The following CMC1 variants were observed in gnomAD, a reference collection of about 807,000 sequenced individuals.
CMC1 encodes the protein C-X9-C motif containing 1, also known as COX assembly mitochondrial protein homolog.
In CMC1, 14 loss-of-function variants were observed where a neutral mutation model predicts 14.1. The observed-to-expected ratio is 0.99, with a 90% CI of 0.66 to 1.55. CMC1 has a LOEUF of 1.55. Among genes scored for constraint, CMC1 ranks in the 40% most tolerant of loss-of-function variants. CMC1 has a pLI of 0.00. For missense variants in CMC1, 127 were observed against 123.8 expected (o/e 1.03, Z -0.12); for synonymous variants, 50 against 38.4 (o/e 1.30, Z -1.12).
intron 2 of CMC1, among the ~76,000 whole-genome samples, chr3:28,278,597 C>G (rs1181352128): frequency 6.6e-6 from 1 of 152,194 alleles, no homozygotes; most frequent in Non-Finnish European, 1.5e-5. Flanking sequence ...CACTCTCCCT[C>G]CAGAAGAAAC....
chr3:28,317,534 T>C (rs2125616490), intron 3 of CMC1: 1 of 152,248 alleles, frequency 6.6e-6, no homozygotes, highest in South Asian at 2.1e-4. Context: ...TATTAAATTC[T>C]GTCTTATACA....
chr3:28,260,740 C>T (rs1699694524), intron 1 of CMC1, among the ~76,000 whole-genome samples: 1 of 152,004 alleles, frequency 6.6e-6, no homozygotes, highest in Non-Finnish European at 1.5e-5. Flanking sequence ...TACAAATTTC[C>T]TGCCAAGTAC....
chr3:28,294,002 A>T (rs965873080), intron 2 of CMC1, among the ~76,000 whole-genome samples: 3 of 152,234 alleles, frequency 2.0e-5, no homozygotes, highest in Non-Finnish European at 2.9e-5. Flanking sequence ...TGGATTTCAA[A>T]TAAAAGAAGA....
At chr3:28,270,151 G>A (rs1392700126) in intron 2 of CMC1, among the ~76,000 whole-genome samples, 1 of 152,038 alleles carries the variant, frequency 6.6e-6, no homozygotes, top group Non-Finnish European at 1.5e-5. Context: ...TCTTTATCTG[G>A]TCTATCATGG....
intron 1 of CMC1, among the ~76,000 whole-genome samples, chr3:28,245,262 A>G (rs922805388): frequency 4.6e-5 from 7 of 152,150 alleles, no homozygotes; most frequent in Non-Finnish European, 8.8e-5. Context: ...GCTTATACAT[A>G]GTTTTATTTA....
chr3:28,294,990 T>TA (rs1553619236), intron 2 of CMC1, among the ~76,000 whole-genome samples: 3 of 151,796 alleles, frequency 2.0e-5, no homozygotes, highest in East Asian at 1.9e-4. Context: ...TTATTTTTTT[T>TA]AAAACAAAAC....
At chr3:28,287,442 C>A (rs1280836074) in intron 2 of CMC1, among the ~76,000 whole-genome samples, 1 of 152,066 alleles carries the variant, frequency 6.6e-6, no homozygotes, top group Non-Finnish European at 1.5e-5. Context: ...GAGTTAGACT[C>A]CTACTGTTTT....
chr3:28,314,388 T>C (rs1702786747), intron 2 of CMC1, among the ~76,000 whole-genome samples: 1 of 152,178 alleles, frequency 6.6e-6, no homozygotes, highest in East Asian at 1.9e-4. Flanking sequence ...CACAAAGAAT[T>C]TCCCTTGGTT....
intron 2 of CMC1, among the ~76,000 whole-genome samples, chr3:28,295,073 GAAT>G (rs1340838294): frequency 2.6e-5 from 4 of 152,118 alleles, no homozygotes; most frequent in African/African-American, 9.7e-5. Context: ...TACCTTTAGT[GAAT>G]AATGTTTTTC....
chr3:28,271,098 G>C (rs933481159), intron 2 of CMC1, among the ~76,000 whole-genome samples: 12 of 151,090 alleles, frequency 7.9e-5, no homozygotes, highest in African/African-American at 2.2e-4. Context: ...ACTCGGCCGA[G>C]TTAATATTTT....
chr3:28,279,438 G>T (rs906665332), intron 2 of CMC1, among the ~76,000 whole-genome samples: 1 of 152,092 alleles, frequency 6.6e-6, no homozygotes, highest in Non-Finnish European at 1.5e-5. Flanking sequence ...ATTATTCAGT[G>T]TACACAGAAA....
At chr3:28,259,461 TG>T (rs1448167111) in intron 1 of CMC1, among the ~76,000 whole-genome samples, 1 of 152,136 alleles carries the variant, frequency 6.6e-6, no homozygotes. Flanking sequence ...TAAAAAAGGT[TG>T]GGACAGGCTC....
chr3:28,241,877 C>G lies in CMC1; in HGVS notation c.19+65C>G, dbSNP rs150356600. ...CCCGGGTCTCACGCCGCGGGCCATG[C>G]GGGCTGGATGCCGACCTGGGAAAGG... On this transcript the variant is annotated intron_variant, in intron 1 of 3. Transcript: ENST00000466830. The G allele has an allele frequency of 4.2e-4, 514 of 1,228,836 alleles. 1 individual carries two copies. In the African/African-American group the frequency reaches 7.3e-3, roughly 17 times the overall value. 76.1% of individuals were successfully genotyped at this position (1,228,836 alleles called of 1,614,324 possible). A position where few individuals can be genotyped will look rare whatever the true frequency, so the allele number is the denominator to read the frequency against.
intron 1 of CMC1, among the ~76,000 whole-genome samples, chr3:28,255,753 A>ACG (rs1553613624): frequency 1.9e-4 from 28 of 151,078 alleles, no homozygotes; most frequent in South Asian, 1.5e-3. Flanking sequence ...ACACACACAC[A>ACG]CGCGACAGAG....
intron 1 of CMC1, 118 bp downstream of exon 1, chr3:28,241,930 A>G: frequency 1.9e-6 from 2 of 1,048,528 alleles, no homozygotes; most frequent in Non-Finnish European, 2.4e-6. Flanking sequence ...CATTGCTTCC[A>G]CCAGCGTCTC....
At chr3:28,289,108 G>T (rs974762961) in intron 2 of CMC1, among the ~76,000 whole-genome samples, 3 of 150,346 alleles carry the variant, frequency 2.0e-5, no homozygotes, top group Non-Finnish European at 3.0e-5. Context: ...GTTCTTTGAG[G>T]TTTTTTTTAA....
At chr3:28,276,398 C>T (rs904304805) in intron 2 of CMC1, among the ~76,000 whole-genome samples, 1 of 151,914 alleles carries the variant, frequency 6.6e-6, no homozygotes, top group African/African-American at 2.4e-5. Flanking sequence ...TGAAGAATTA[C>T]GTATCTTGAA....
At chr3:28,274,215 T>TTTTTTG (rs1252205036) in intron 2 of CMC1, among the ~76,000 whole-genome samples, 5 of 124,796 alleles carry the variant, frequency 4.0e-5, no homozygotes, top group African/African-American at 1.4e-4. Flanking sequence ...TGTTTTTGTT[T>TTTTTTG]TTTTCTTTTT....
At position 28,298,141 on chromosome 3, in the gene CMC1, A is replaced by C. The variant is rs1054588997; in HGVS notation, c.110-18192A>C. 11 of 151,548 alleles carry C rather than the reference A, an allele frequency of 7.3e-5. No individual in the cohort carries two copies. The East Asian group carries it at 9.7e-4, about 13-fold the overall frequency. The allele number at this position is 151,548 out of a possible 1,614,324, so 9.4% of individuals were successfully genotyped here. A position where few individuals can be genotyped will look rare whatever the true frequency, so the allele number is the denominator to read the frequency against. On this transcript the variant is annotated intron_variant, in intron 2 of 3. Coordinates refer to ENST00000466830, the MANE Select transcript of CMC1 (RefSeq NM_182523.2). ...GTCTACAGGACTCTACCTGTAGAGT[A>C]GAGTCCTACTCTACAAGTCTTGGAG...
Sources: gnomAD v4.1 joint callset for allele counts (sites outside exome capture counted in the v4.1 genomes callset) on GRCh38, gnomAD v4.1.1 for gene constraint, MANE v1.5 for transcripts, NCBI Gene and HGNC (gene_info 2026-07-23, HGNC 2026-07-21) for gene names.